The following CDH13 variants were observed in gnomAD, a reference collection of about 807,000 sequenced individuals.
CDH13 encodes cadherin 13.
In CDH13, 24 loss-of-function variants were observed where a neutral mutation model predicts 63.8. The observed-to-expected ratio is 0.38, with a 90% CI of 0.27 to 0.53. The LOEUF is 0.53. CDH13 is among the 20% of genes least tolerant of loss of function. The pLI is 0.85. For synonymous variants in CDH13, 503 were observed against 355.3 expected, an observed-to-expected ratio of 1.42 and a Z score of -4.67; for missense variants, 1,049 against 903.1, an observed-to-expected ratio of 1.16 and a Z score of -2.07.
chr16:82,717,538 A>G (rs867747252), intron 1 of CDH13, among the ~76,000 whole-genome samples: 4 of 151,604 alleles, frequency 2.6e-5, no homozygotes, highest in Non-Finnish European at 4.4e-5. Context: ...GTTGTTGGCT[A>G]GAGGAGATTC....
intron 7 of CDH13, among the ~76,000 whole-genome samples, chr16:83,495,200 G>A: frequency 6.6e-6 from 1 of 152,096 alleles, no homozygotes; most frequent in South Asian, 2.1e-4. Context: ...CCACAAATAA[G>A]TTTTATACAT....
chr16:83,659,650 T>G (rs1305142166), intron 8 of CDH13, among the ~76,000 whole-genome samples: 2 of 152,176 alleles, frequency 1.3e-5, no homozygotes, highest in African/African-American at 4.8e-5. Flanking sequence ...GGCTTTCAGG[T>G]GTTTTAATGT....
Position 83,047,217 on chromosome 16 carries a change from C to G in CDH13, c.366+14999C>G, listed in dbSNP as rs976089949. Among the ~76,000 whole-genome samples the G allele has an allele frequency of 3.3e-5, 5 of 151,954 alleles. No individual in the cohort carries two copies. In the East Asian group the frequency reaches 9.6e-4, roughly 29 times the overall value. On this transcript the variant is annotated intron_variant, in intron 3 of 13. Transcript: ENST00000567109. This position sits in a 1 kb window ranked among gnomAD's most constrained non-coding sequence, Gnocchi z 4.9. Reference sequence around the variant, plus strand: ...TGAAGACCACCTCCTGCCCCTCACTCTTACTCCAGAGGCCTGTGTATTTAT... The same window carrying G: ...TGAAGACCACCTCCTGCCCCTCACTGTTACTCCAGAGGCCTGTGTATTTAT...
chr16:83,158,384 C>G (rs1217572357), intron 4 of CDH13, among the ~76,000 whole-genome samples: 2 of 152,160 alleles, frequency 1.3e-5, no homozygotes. Context: ...CCTTTTCACA[C>G]TTGACCACGT....
chr16:82,762,909 G>T (rs1274359381), intron 1 of CDH13, among the ~76,000 whole-genome samples: 2 of 152,178 alleles, frequency 1.3e-5, no homozygotes, highest in Non-Finnish European at 2.9e-5. Context: ...GTGGATTAAT[G>T]ATGTTTTTTA....
intron 10 of CDH13, among the ~76,000 whole-genome samples, chr16:83,746,225 C>T (rs909638450): frequency 6.6e-6 from 1 of 152,184 alleles, no homozygotes; most frequent in African/African-American, 2.4e-5. Context: ...GGCCACGTTC[C>T]ATCTAGAGGT....
chr16:82,706,155 C>T (rs1476407032), intron 1 of CDH13, among the ~76,000 whole-genome samples: 2 of 151,884 alleles, frequency 1.3e-5, no homozygotes, highest in African/African-American at 2.4e-5. Flanking sequence ...TTTCCGCCTC[C>T]CTTCTCCCTT....
chr16:82,949,054 T>C (rs1193884940), intron 2 of CDH13, among the ~76,000 whole-genome samples: 1 of 152,172 alleles, frequency 6.6e-6, no homozygotes, highest in African/African-American at 2.4e-5. Flanking sequence ...TAAACCTCCT[T>C]ATGACCCAAA....
intron 2 of CDH13, among the ~76,000 whole-genome samples, chr16:82,973,762 T>C (rs1909105035): frequency 6.6e-6 from 1 of 152,226 alleles, no homozygotes. Flanking sequence ...TCTAGTCTCC[T>C]AGGCAGCCAT....
intron 5 of CDH13, among the ~76,000 whole-genome samples, chr16:83,264,153 G>C (rs982079535): frequency 6.6e-6 from 1 of 152,184 alleles, no homozygotes; most frequent in African/African-American, 2.4e-5. Context: ...AGCAGACATA[G>C]GGTATAAATT....
chr16:82,932,153 T>C (rs1035499326), intron 2 of CDH13, among the ~76,000 whole-genome samples: 2 of 152,198 alleles, frequency 1.3e-5, no homozygotes, highest in South Asian at 2.1e-4. Flanking sequence ...GTCAAAAGCA[T>C]ATGCTTTTGA....
At chr16:82,885,459 C>G (rs1436878224) in intron 2 of CDH13, among the ~76,000 whole-genome samples, 2 of 50,460 alleles carry the variant, frequency 4.0e-5, no homozygotes, top group African/African-American at 2.0e-4. Flanking sequence ...ATTCATTCAT[C>G]CACCTACCCA....
chr16:83,626,452 G>A (rs1345036181), intron 8 of CDH13, among the ~76,000 whole-genome samples: 4 of 152,180 alleles, frequency 2.6e-5, no homozygotes, highest in South Asian at 2.1e-4. Flanking sequence ...TGAAGCACGT[G>A]CTATGAGCCA....
chr16:82,826,801 G>A (rs905157788), intron 1 of CDH13: 1 of 152,174 alleles, frequency 6.6e-6, no homozygotes, highest in Non-Finnish European at 1.5e-5. Context: ...GAGATATTGA[G>A]CATAGACATC....
chr16:82,662,829 A>G lies in CDH13; in HGVS notation c.45+35692A>G, dbSNP rs144008044. Among the ~76,000 whole-genome samples, 590 of 152,218 alleles carry G rather than the reference A, an allele frequency of 3.9e-3. 7 individuals are homozygous for G. The highest frequency in any genetic ancestry group is 0.013 in the African/African-American group (558 of 41,518). ...TGCCATTTAGAAGATCAATGAGAAGATGTCCTCCAGGCCAGTGTGAGGTGG... is the reference window on the plus strand; with the variant it reads ...TGCCATTTAGAAGATCAATGAGAAGGTGTCCTCCAGGCCAGTGTGAGGTGG... On this transcript the variant is annotated intron_variant, in intron 1 of 13. Transcript: ENST00000567109.
At chr16:83,720,911 A>T (rs1909609040) in intron 10 of CDH13, among the ~76,000 whole-genome samples, 1 of 152,158 alleles carries the variant, frequency 6.6e-6, no homozygotes, top group Non-Finnish European at 1.5e-5. Flanking sequence ...CCTGAAATGG[A>T]CTGGCCTCTG....
At chr16:83,644,824 G>T (rs1172653871) in intron 8 of CDH13, among the ~76,000 whole-genome samples, 3 of 152,210 alleles carry the variant, frequency 2.0e-5, no homozygotes, top group Non-Finnish European at 4.4e-5. Context: ...ATGCTTCCAC[G>T]GGCATGAACT....
chr16:83,389,878 G>T (rs1440914986), intron 6 of CDH13, among the ~76,000 whole-genome samples: 1 of 152,196 alleles, frequency 6.6e-6, no homozygotes, highest in Non-Finnish European at 1.5e-5. Flanking sequence ...ATTGCCCTGT[G>T]CATCTGCATG....
At chr16:83,381,170 T>G (rs2091559828) in intron 6 of CDH13, among the ~76,000 whole-genome samples, 2 of 152,210 alleles carry the variant, frequency 1.3e-5, no homozygotes, top group African/African-American at 4.8e-5. Flanking sequence ...TAATAGTTGC[T>G]TGCTTTTTTC....
Sources: gnomAD v4.1 joint callset for allele counts (sites outside exome capture counted in the v4.1 genomes callset) on GRCh38, gnomAD v4.1.1 for gene constraint, Gnocchi (gnomAD v3.1) non-coding constraint, MANE v1.5 for transcripts, NCBI Gene and HGNC (gene_info 2026-07-23, HGNC 2026-07-21) for gene names.